LRRC37B: variants seen among roughly 807,000 people sequenced by gnomAD.
LRRC37B encodes leucine-rich repeat-containing protein 37B.
In LRRC37B, 28 loss-of-function variants were observed where a neutral mutation model predicts 98.3. The ratio of observed to expected loss-of-function variants is 0.28; its 90% CI spans 0.21 to 0.39. The LOEUF is 0.39. Ranked by LOEUF, LRRC37B falls within the 10% of genes least tolerant of loss-of-function variation. LRRC37B has a pLI of 1.00. For synonymous variants in LRRC37B, 364 were observed against 442.7 expected (o/e 0.82, Z 2.23); for missense variants, 938 against 1,182.7 (o/e 0.79, Z 3.03).
chr17:32,021,099 A>G (rs1910757375), exon 1 of LRRC37B: 3 of 1,612,932 alleles, frequency 1.9e-6, no homozygotes, highest in African/African-American at 1.3e-5. Context: ...TGAGCATCTC[A>G]GGGCTGCCAG....
At chr17:32,013,740 A>G (rs1910589562) in intron 1 of LRRC37B, among the ~76,000 whole-genome samples, 1 of 137,116 alleles carries the variant, frequency 7.3e-6, no homozygotes, top group African/African-American at 2.8e-5. Flanking sequence ...GTGTGTATCT[A>G]TATACACTTT....
At chr17:32,019,224 G>C (rs1259364169), upstream of LRRC37B, among the ~76,000 whole-genome samples, 2 of 152,102 alleles carry the variant, frequency 1.3e-5, no homozygotes, top group Non-Finnish European at 2.9e-5. Context: ...GCTGCGCCTG[G>C]GCCCCATTGT....
chr17:32,036,570 C>T (rs1297580791), intron 7 of LRRC37B, among the ~76,000 whole-genome samples: 1 of 152,172 alleles, frequency 6.6e-6, no homozygotes, highest in East Asian at 1.9e-4. Flanking sequence ...TTATGTCATT[C>T]CATATAAAAT....
At chr17:32,008,190 T>G in intron 1 of LRRC37B, 58 bp downstream of exon 1, 1 of 220,346 alleles carries the variant, frequency 4.5e-6, no homozygotes, top group Non-Finnish European at 9.9e-6. Context: ...CCCTCCCCCC[T>G]TGCTCACTTA....
chr17:32,030,949 G>T (rs1471925253), intron 4 of LRRC37B, among the ~76,000 whole-genome samples: 2 of 152,282 alleles, frequency 1.3e-5, no homozygotes, highest in East Asian at 3.9e-4. Context: ...GTGTGATTTT[G>T]TACTCAGGTG....
At chr17:32,040,812 T>C (rs1911404165) in intron 7 of LRRC37B, 4 of 825,612 alleles carry the variant, frequency 4.8e-6, no homozygotes, top group African/African-American at 1.7e-5. Context: ...GGTGAAGGAC[T>C]CCCTGGACAT....
chr17:32,014,934 C>T (rs1434093806), intron 1 of LRRC37B, among the ~76,000 whole-genome samples: 1 of 152,042 alleles, frequency 6.6e-6, no homozygotes, highest in Non-Finnish European at 1.5e-5. Context: ...GAATTTGAGA[C>T]CAGCCTGGCC....
chr17:32,033,560 C>T (rs190393892), intron 5 of LRRC37B, among the ~76,000 whole-genome samples: 256 of 152,262 alleles, frequency 1.7e-3, no homozygotes, highest in African/African-American at 5.6e-3. Flanking sequence ...TCAGTTTCCT[C>T]ATTTATAAAA....
chr17:32,041,124 G>A (rs761483758), intron 7 of LRRC37B: 6 of 767,374 alleles, frequency 7.8e-6, no homozygotes, highest in South Asian at 2.7e-5. Context: ...GATCCTGGAC[G>A]AGCTGGCAGA....
At chr17:32,034,520 A>C (rs945268549) in intron 5 of LRRC37B, among the ~76,000 whole-genome samples, 2 of 151,754 alleles carry the variant, frequency 1.3e-5, no homozygotes, top group African/African-American at 4.8e-5. Context: ...AAAAAAAAAA[A>C]AAAACAACTT....
In LRRC37B at chr17:32,027,024, GAAATTAAATT is replaced by G. The variant is rs748243835; in HGVS notation, c.1833-725_1833-716del. On this transcript the variant is annotated intron_variant, in intron 2 of 11. Coordinates refer to ENST00000327564, the Ensembl canonical transcript of LRRC37B. ...GGGTAACAGAATGGACCCTGTCTCA[GAAATTAAATT>G]AAATTAAATTAAATTAAATATAAAC... Among the ~76,000 whole-genome samples, 12 of 152,158 alleles carry G rather than the reference GAAATTAAATT, an allele frequency of 7.9e-5. No individual in the cohort carries two copies. In the South Asian group the frequency reaches 1.4e-3, roughly 18 times the overall value.
upstream of LRRC37B, among the ~76,000 whole-genome samples, chr17:32,018,452 T>C (rs1407865749): frequency 6.6e-6 from 1 of 152,240 alleles, no homozygotes; most frequent in Non-Finnish European, 1.5e-5. Flanking sequence ...ACTCTGAAAC[T>C]GCTTTTTGAG....
intron 5 of LRRC37B, among the ~76,000 whole-genome samples, chr17:32,032,799 G>A (rs574589780): frequency 1.2e-4 from 19 of 152,162 alleles, no homozygotes; most frequent in African/African-American, 3.6e-4. Context: ...CAAGAGGTTT[G>A]GGTAGCATCA....
At chr17:32,014,949 T>C (rs1424697415) in intron 1 of LRRC37B, among the ~76,000 whole-genome samples, 2 of 152,076 alleles carry the variant, frequency 1.3e-5, no homozygotes, top group Non-Finnish European at 2.9e-5. Flanking sequence ...CTGGCCAACA[T>C]GGTGAGACCC....
chr17:32,007,570 C>G (rs1316728538), upstream of LRRC37B, among the ~76,000 whole-genome samples: 1 of 151,934 alleles, frequency 6.6e-6, no homozygotes, highest in Non-Finnish European at 1.5e-5. This position sits in a 1 kb window ranked among gnomAD's most constrained non-coding sequence, Gnocchi z 4.1. Context: ...CGGCCCTCCC[C>G]GTCAGCTTTC....
At chr17:32,032,541 GATTCTC>G in intron 5 of LRRC37B, among the ~76,000 whole-genome samples, 1 of 152,178 alleles carries the variant, frequency 6.6e-6, no homozygotes, top group South Asian at 2.1e-4. Context: ...TCAAGGTGAA[GATTCTC>G]CTCTACATCT....
intron 1 of LRRC37B, among the ~76,000 whole-genome samples, chr17:32,023,413 G>A (rs1910860137): frequency 6.6e-6 from 1 of 152,086 alleles, no homozygotes; most frequent in South Asian, 2.1e-4. Flanking sequence ...GTGAGCCACC[G>A]CGCCTGGCCC....
chr17:32,008,505 GA>G (rs1910461487), intron 1 of LRRC37B, among the ~76,000 whole-genome samples: 2 of 152,158 alleles, frequency 1.3e-5, no homozygotes, highest in Admixed American at 6.5e-5. Context: ...TTTCTGGAAT[GA>G]AAGAAGCCTC....
chr17:32,027,124 T>A (rs55729974), intron 2 of LRRC37B, among the ~76,000 whole-genome samples: 18,737 of 152,216 alleles, frequency 0.12, 1,280 homozygotes, highest in Middle Eastern at 0.15. Context: ...GGGGGAAAAA[T>A]GTTGAATGGC....
Sources: gnomAD v4.1 joint callset for allele counts (sites outside exome capture counted in the v4.1 genomes callset) on GRCh38, gnomAD v4.1.1 for gene constraint, Gnocchi (gnomAD v3.1) non-coding constraint, MANE v1.5 for transcripts, NCBI Gene and HGNC (gene_info 2026-07-23, HGNC 2026-07-21) for gene names.